The following GALNT13 variants were observed in gnomAD, a reference collection of about 807,000 sequenced individuals.
The protein encoded by GALNT13 is UDP-GalNAc:polypeptide N-acetylgalactosaminyltransferase 13.
Under a neutral mutation model 64.2 loss-of-function variants are expected in GALNT13, and 28 were observed. The ratio of observed to expected loss-of-function variants is 0.44; its 90% CI spans 0.32 to 0.60. The LOEUF (loss-of-function observed/expected upper bound fraction) is 0.60, where lower values mean the gene tolerates loss of function less well. Among genes scored for constraint, GALNT13 ranks in the 20% least tolerant of loss-of-function variants. The pLI is 0.05. For missense variants in GALNT13, 577 were observed against 669.8 expected (o/e 0.86, Z 1.53); for synonymous variants, 214 against 224.6 (o/e 0.95, Z 0.42).
chr2:154,017,003 C>T (rs1444880205), intron 3 of GALNT13, among the ~76,000 whole-genome samples: 1 of 151,974 alleles, frequency 6.6e-6, no homozygotes, highest in Non-Finnish European at 1.5e-5. Context: ...TAGAGAAATA[C>T]AGTATGTGAA....
chr2:154,312,311 C>G (rs1164609178), intron 9 of GALNT13, among the ~76,000 whole-genome samples: 1 of 152,190 alleles, frequency 6.6e-6, no homozygotes, highest in Admixed American at 6.5e-5. Context: ...CCTGACTTCC[C>G]GCAACACAGA....
At chr2:153,845,476 G>A in the GALNT13 span, among the ~76,000 whole-genome samples, 4 of 152,220 alleles carry the variant, frequency 2.6e-5, no homozygotes, top group Non-Finnish European at 4.4e-5. Context: ...GAACTCAGAT[G>A]AGAGCTCACT....
At chr2:153,685,958 T>G in the GALNT13 span, among the ~76,000 whole-genome samples, 578 of 152,166 alleles carry the variant, frequency 3.8e-3, 2 homozygotes, top group Non-Finnish European at 6.1e-3. Flanking sequence ...GTTAGAAGTG[T>G]GCGGTCTTAT....
chr2:153,593,505 G>A, the GALNT13 span, among the ~76,000 whole-genome samples: 1 of 152,156 alleles, frequency 6.6e-6, no homozygotes, highest in African/African-American at 2.4e-5. Context: ...CTCTGGTAGT[G>A]AAAGACAAAG....
the GALNT13 span, among the ~76,000 whole-genome samples, chr2:153,583,719 C>T: frequency 6.6e-6 from 1 of 152,320 alleles, no homozygotes; most frequent in South Asian, 2.1e-4. Context: ...ACCCCAGCAA[C>T]TACTATAAGA....
At chr2:154,249,679 C>G (rs1689968327) in intron 7 of GALNT13, among the ~76,000 whole-genome samples, 1 of 151,942 alleles carries the variant, frequency 6.6e-6, no homozygotes, top group Non-Finnish European at 1.5e-5. Flanking sequence ...ATATGACTGC[C>G]TTCATTTTTA....
the GALNT13 span, among the ~76,000 whole-genome samples, chr2:153,783,940 A>G: frequency 5.3e-5 from 8 of 152,192 alleles, no homozygotes; most frequent in Non-Finnish European, 8.8e-5. Flanking sequence ...TGTTAGCAGC[A>G]TGAGAAGTGA....
At chr2:153,982,430 C>T (rs1217497206) in intron 3 of GALNT13, among the ~76,000 whole-genome samples, 4 of 151,988 alleles carry the variant, frequency 2.6e-5, no homozygotes, top group South Asian at 2.1e-4. Flanking sequence ...TGTCACTTTA[C>T]GAATCTGTGA....
the GALNT13 span, among the ~76,000 whole-genome samples, chr2:153,656,317 A>AGTGTGTGTGTGTGTGTGTGTGTGT: frequency 6.7e-6 from 1 of 149,362 alleles, no homozygotes; most frequent in Admixed American, 6.7e-5. Context: ...GACTTAAAGA[A>AGTGTGTGTGTGTGTGTGTGTGTGT]GTGTGTGTGT....
chr2:153,168,304 C>T, the GALNT13 span, among the ~76,000 whole-genome samples: 5 of 152,152 alleles, frequency 3.3e-5, no homozygotes, highest in African/African-American at 4.8e-5. Flanking sequence ...CAATGCTTAA[C>T]GTTGACTAAT....
At chr2:153,178,855 T>G in the GALNT13 span, among the ~76,000 whole-genome samples, 28 of 82,606 alleles carry the variant, frequency 3.4e-4, no homozygotes, top group South Asian at 1.3e-3. Flanking sequence ...CCTGCCTCAG[T>G]CTCCCGAGTA....
At chr2:153,774,288 G>T in the GALNT13 span, among the ~76,000 whole-genome samples, 1 of 151,880 alleles carries the variant, frequency 6.6e-6, no homozygotes, top group African/African-American at 2.4e-5. Flanking sequence ...ATATTTATGG[G>T]CTTATAGGTG....
the GALNT13 span, among the ~76,000 whole-genome samples, chr2:153,334,777 CTTTT>C: frequency 4.6e-5 from 7 of 152,016 alleles, no homozygotes; most frequent in Non-Finnish European, 1.0e-4. Flanking sequence ...TCTTTTTCTT[CTTTT>C]TTCTTTAAAT....
At chr2:153,682,453 G>C in the GALNT13 span, among the ~76,000 whole-genome samples, 1 of 151,574 alleles carries the variant, frequency 6.6e-6, no homozygotes, top group Non-Finnish European at 1.5e-5. Flanking sequence ...GCTTCCAACT[G>C]TTTACTTAAT....
At chr2:153,507,183 C>T in the GALNT13 span, among the ~76,000 whole-genome samples, 175 of 152,148 alleles carry the variant, frequency 1.2e-3, no homozygotes, top group Non-Finnish European at 2.2e-3. Context: ...TAAGTGTGTT[C>T]TTGATTTCCA....
chr2:153,653,519 A>AATG, the GALNT13 span, among the ~76,000 whole-genome samples: 88 of 152,294 alleles, frequency 5.8e-4, no homozygotes, highest in African/African-American at 2.0e-3. Context: ...TTATGGATAT[A>AATG]ATTAGATGTT....
the GALNT13 span, among the ~76,000 whole-genome samples, chr2:153,199,933 C>T: frequency 6.6e-6 from 1 of 152,108 alleles, no homozygotes; most frequent in Admixed American, 6.5e-5. Context: ...CAGTGAACTG[C>T]AGAAGAAACA....
At chr2:153,895,391 C>A (rs529946422) in intron 1 of GALNT13, among the ~76,000 whole-genome samples, 7 of 152,092 alleles carry the variant, frequency 4.6e-5, no homozygotes, top group East Asian at 3.8e-4. Context: ...TTTAGCTCAA[C>A]AAAATGAATA....
At chr2:154,400,521 A>C (rs1334547133) in intron 10 of GALNT13, among the ~76,000 whole-genome samples, 1 of 152,100 alleles carries the variant, frequency 6.6e-6, no homozygotes, top group African/African-American at 2.4e-5. Flanking sequence ...TATGGTATTC[A>C]GTTTTTCTAT....
Sources: allele counts gnomAD v4.1 joint callset (sites outside exome capture counted in the v4.1 genomes callset), GRCh38; gene constraint gnomAD v4.1.1; transcripts MANE v1.5; gene names NCBI Gene and HGNC (gene_info 2026-07-23, HGNC 2026-07-21).